Variants in CAMSAP2 observed in about 807,000 individuals in gnomAD.
CAMSAP2 encodes calmodulin-regulated spectrin-associated protein 2.
Under a neutral mutation model 146.1 loss-of-function variants are expected in CAMSAP2, and 26 were observed. The ratio of observed to expected loss-of-function variants is 0.18; its 90% CI spans 0.13 to 0.25. The LOEUF is 0.25. Among genes scored for constraint, CAMSAP2 ranks in the 10% least tolerant of loss-of-function variants. CAMSAP2 has a pLI of 1.00. For missense variants in CAMSAP2, 1,381 were observed against 1,759.3 expected (o/e 0.78, Z 3.85); for synonymous variants, 499 against 596.6 (o/e 0.84, Z 2.38).
At chr1:200,806,111 G>A (rs1270434180) in intron 2 of CAMSAP2, among the ~76,000 whole-genome samples, 1 of 152,148 alleles carries the variant, frequency 6.6e-6, no homozygotes, top group Admixed American at 6.6e-5. Context: ...ATTTTACCAA[G>A]TAAATATTTA....
At chr1:200,850,820 A>C (rs1667600468) in intron 11 of CAMSAP2, among the ~76,000 whole-genome samples, 1 of 152,136 alleles carries the variant, frequency 6.6e-6, no homozygotes. Context: ...CAGTCTTCAT[A>C]CTGCTACTAA....
At chr1:200,811,207 G>A (rs1666320964) in intron 3 of CAMSAP2, among the ~76,000 whole-genome samples, 1 of 152,108 alleles carries the variant, frequency 6.6e-6, no homozygotes, top group South Asian at 2.1e-4. Context: ...CTACTTGGTG[G>A]GATTTGAACA....
At chr1:200,795,949 A>C (rs1665873290) in intron 2 of CAMSAP2, among the ~76,000 whole-genome samples, 1 of 152,212 alleles carries the variant, frequency 6.6e-6, no homozygotes, top group African/African-American at 2.4e-5. Context: ...CTTCATTGAC[A>C]TATCTAACCA....
chr1:200,756,883 A>G (rs924047034), intron 1 of CAMSAP2, among the ~76,000 whole-genome samples: 18 of 152,214 alleles, frequency 1.2e-4, no homozygotes, highest in African/African-American at 4.3e-4. Flanking sequence ...TAAATGAGGA[A>G]GACATGATCC....
At chr1:200,767,022 A>T (rs1361226332) in intron 2 of CAMSAP2, among the ~76,000 whole-genome samples, 2 of 152,164 alleles carry the variant, frequency 1.3e-5, no homozygotes, top group Admixed American at 1.3e-4. Context: ...GACATGAGTT[A>T]ATTGATACAG....
At chr1:200,781,753 T>A (rs1228240754) in intron 2 of CAMSAP2, among the ~76,000 whole-genome samples, 2 of 152,000 alleles carry the variant, frequency 1.3e-5, no homozygotes, top group Non-Finnish European at 2.9e-5. Context: ...CATGTTGCCC[T>A]GGCTGGTTTC....
In CAMSAP2 at chr1:200,858,814, T is replaced by C. The variant is rs1456399593; in HGVS notation, c.*755T>C. 6.6e-6 allele frequency: 1 copy of C among 152,594 alleles called. No individual in the cohort carries two copies. Among genetic ancestry groups the C allele is most frequent in the Non-Finnish European group, 1.5e-5 (1 of 67,898 alleles). The allele number at this position is 152,594 out of a possible 1,614,324, so 9.5% of individuals were successfully genotyped here. ...AGTTGCTGATTAAATCAGTGCTGTT[T>C]TTACACCACTTCTGGCCAACTCAGA... On this transcript the variant is annotated 3_prime_UTR_variant, in exon 17 of 17. Transcript: ENST00000358823.
chr1:200,832,917 C>A lies in CAMSAP2; in HGVS notation c.927+72C>A. Reference sequence around the variant, plus strand: ...TTTTTTAAAAAACAAACAAAAACACCGGGAACAGTGGCTCATGCCTGTAAT... The same window carrying A: ...TTTTTTAAAAAACAAACAAAAACACAGGGAACAGTGGCTCATGCCTGTAAT... On this transcript the variant is annotated intron_variant, in intron 6 of 16. Coordinates refer to ENST00000358823, the MANE Select transcript of CAMSAP2 (RefSeq NM_203459.4). The surrounding 1 kb of genome is among the most constrained non-coding windows in gnomAD (Gnocchi z 4.2). 2.3e-6 allele frequency: 3 copies of A among 1,332,700 alleles called. No homozygotes were observed. Among genetic ancestry groups the A allele is most frequent in the Non-Finnish European group, 3.1e-6 (3 of 981,910 alleles). 82.6% of individuals were successfully genotyped at this position (1,332,700 alleles called of 1,614,324 possible).
chr1:200,846,410 C>T (rs1157653088), intron 8 of CAMSAP2, among the ~76,000 whole-genome samples: 1 of 152,208 alleles, frequency 6.6e-6, no homozygotes, highest in Non-Finnish European at 1.5e-5. Flanking sequence ...CTCTGGAAAA[C>T]TCATCTCTTT....
At position 200,858,672 on chromosome 1, in the gene CAMSAP2, C is replaced by CT. The variant is rs968313896; in HGVS notation, c.*614dup. On this transcript the variant is annotated 3_prime_UTR_variant, in exon 17 of 17. Coordinates refer to ENST00000358823, the MANE Select transcript of CAMSAP2 (RefSeq NM_203459.4). ...ATTATTCTGCTAAGTATTTACAACTCTATTTATTATTCACTCAAGTATTAA... is the reference window on the plus strand; with the variant it reads ...ATTATTCTGCTAAGTATTTACAACTCTTATTTATTATTCACTCAAGTATTAA... 15 of 152,582 alleles carry CT rather than the reference C, an allele frequency of 9.8e-5. No homozygotes were observed. The highest frequency in any genetic ancestry group is 3.6e-4 in the African/African-American group (15 of 41,428). The allele number at this position is 152,582 out of a possible 1,614,324, so 9.5% of individuals were successfully genotyped here. A position where few individuals can be genotyped will look rare whatever the true frequency, so the allele number is the denominator to read the frequency against.
intron 2 of CAMSAP2, among the ~76,000 whole-genome samples, chr1:200,764,085 G>T (rs538044526): frequency 6.6e-5 from 10 of 152,134 alleles, no homozygotes; most frequent in African/African-American, 2.4e-4. Context: ...AAAAAAGAAA[G>T]AAACTATTTT....
intron 1 of CAMSAP2, among the ~76,000 whole-genome samples, chr1:200,742,531 A>T (rs940884417): frequency 1.3e-5 from 2 of 152,164 alleles, no homozygotes; most frequent in Non-Finnish European, 2.9e-5. Flanking sequence ...AAAATTAGGA[A>T]TTTTTTTGAT....
rs897412924 is a variant in CAMSAP2, at chr1:200,738,974, A to G, written c.-854A>G. Among the ~76,000 whole-genome samples, 7 of 147,456 alleles carry G rather than the reference A, an allele frequency of 4.7e-5. No homozygotes were observed. Among genetic ancestry groups the G allele is most frequent in the African/African-American group, 1.5e-4 (6 of 39,564 alleles). On this transcript the variant is annotated 5_prime_UTR_variant, in exon 1 of 17. Transcript: ENST00000358823. ...GGCGGCGGCTGAGGGGGAACGATCCAGCGAGCTGCAGAAAGGGGGGCAGGA... is the reference window on the plus strand; with the variant it reads ...GGCGGCGGCTGAGGGGGAACGATCCGGCGAGCTGCAGAAAGGGGGGCAGGA...
chr1:200,751,407 G>A (rs554744334), intron 1 of CAMSAP2, among the ~76,000 whole-genome samples: 2 of 151,648 alleles, frequency 1.3e-5, no homozygotes, highest in South Asian at 4.2e-4. Flanking sequence ...GTGGTGGTGG[G>A]CACCTGTGAT....
intron 14 of CAMSAP2, 75 bp from the exon 15 acceptor site, chr1:200,855,935 T>C: frequency 1.0e-6 from 1 of 954,948 alleles, no homozygotes; most frequent in Non-Finnish European, 1.6e-6. Context: ...ATTTTGATTG[T>C]TACTTTCACG....
chr1:200,750,361 T>C (rs545896420), intron 1 of CAMSAP2, among the ~76,000 whole-genome samples: 6 of 152,160 alleles, frequency 3.9e-5, no homozygotes, highest in African/African-American at 7.2e-5. Context: ...ACTTTATTGA[T>C]ATAAGGAACA....
At position 200,810,819 on chromosome 1, in the gene CAMSAP2, G is replaced by A. The variant is rs147368443; in HGVS notation, c.561+3282G>A. ...CAGGAGAACCACTTGAACCTGGTAG[G>A]TGGAGGTTGCAGCGACTCGAGATTG... On this transcript the variant is annotated intron_variant, in intron 3 of 16. Transcript: ENST00000358823. Among the ~76,000 whole-genome samples, 73 of 152,182 alleles carry A rather than the reference G, an allele frequency of 4.8e-4. No individual in the cohort carries two copies. The East Asian group carries it at 0.013, about 27-fold the overall frequency.
intron 2 of CAMSAP2, among the ~76,000 whole-genome samples, chr1:200,807,133 G>A (rs913706416): frequency 6.6e-6 from 1 of 152,072 alleles, no homozygotes; most frequent in Non-Finnish European, 1.5e-5. Flanking sequence ...AAGAAAAGAA[G>A]CATCTTTGGA....
At position 200,739,303 on chromosome 1, in the gene CAMSAP2, G is replaced by T. The variant is rs1171579296; in HGVS notation, c.-525G>T. 6.6e-6 allele frequency among the ~76,000 whole-genome samples: 1 copy of T among 152,112 alleles called. No homozygotes were observed. The highest frequency in any genetic ancestry group is 1.5e-5 in the Non-Finnish European group (1 of 67,996). Reference sequence around the variant, plus strand: ...TCCCCCTCGTCCTGCTCGTCCCTCCGCCCACCCGGGGCCTGAGGGGTCTCC... The same window carrying T: ...TCCCCCTCGTCCTGCTCGTCCCTCCTCCCACCCGGGGCCTGAGGGGTCTCC... On this transcript the variant is annotated 5_prime_UTR_variant, in exon 1 of 17. Coordinates refer to ENST00000358823, the MANE Select transcript of CAMSAP2 (RefSeq NM_203459.4). The surrounding 1 kb of genome is among the most constrained non-coding windows in gnomAD (Gnocchi z 4.8).
Sources: allele counts gnomAD v4.1 joint callset (sites outside exome capture counted in the v4.1 genomes callset), GRCh38; gene constraint gnomAD v4.1.1; non-coding constraint Gnocchi (gnomAD v3.1); transcripts MANE v1.5; gene names NCBI Gene and HGNC (gene_info 2026-07-23, HGNC 2026-07-21).